The following TAF4 variants were observed in gnomAD, a reference collection of about 807,000 sequenced individuals.
The protein encoded by TAF4 is TATA-box binding protein associated factor 4.
TAF4 carries 9 observed loss-of-function variants against 90.3 expected under a neutral mutation model. That is an observed-to-expected ratio of 0.10 (90% CI 0.06 to 0.17). The LOEUF is 0.17. TAF4 is among the 10% of genes least tolerant of loss of function. The pLI, the probability that TAF4 is intolerant of heterozygous loss-of-function variation, is 1.00. For synonymous variants in TAF4, 818 were observed against 638.9 expected (o/e 1.28, Z -4.23); for missense variants, 1,351 against 1,370.7 (o/e 0.99, Z 0.23).
intron 1 of TAF4, among the ~76,000 whole-genome samples, chr20:62,051,013 G>A (rs576656638): frequency 2.6e-5 from 4 of 152,324 alleles, no homozygotes; most frequent in Admixed American, 1.3e-4. Context: ...CCTCACAGGG[G>A]AAGCATCTGA....
chr20:62,049,914 G>A (rs1170923727), intron 1 of TAF4, among the ~76,000 whole-genome samples: 2 of 152,108 alleles, frequency 1.3e-5, no homozygotes, highest in Non-Finnish European at 2.9e-5. Context: ...GATGCTTGGA[G>A]CAAAGTGACT....
At chr20:62,027,244 T>C (rs569404167) in intron 1 of TAF4, among the ~76,000 whole-genome samples, 1 of 152,224 alleles carries the variant, frequency 6.6e-6, no homozygotes, top group East Asian at 1.9e-4. Context: ...CTCGCAGCCC[T>C]GAGAGCCGAG....
At chr20:61,997,817 T>A in intron 13 of TAF4, 148 bp from the exon 14 acceptor site, 2 of 1,085,400 alleles carry the variant, frequency 1.8e-6, no homozygotes, top group Non-Finnish European at 1.3e-6. Flanking sequence ...GTAAGCATAT[T>A]CTATAATCCA....
intron 14 of TAF4, among the ~76,000 whole-genome samples, chr20:61,977,206 C>T (rs146144621): frequency 7.0e-6 from 1 of 142,326 alleles, no homozygotes; most frequent in Non-Finnish European, 1.6e-5. Flanking sequence ...GCGGGGCGCG[C>T]GCCACACACA....
chr20:61,990,041 G>A (rs2055621513), intron 14 of TAF4, among the ~76,000 whole-genome samples: 1 of 152,164 alleles, frequency 6.6e-6, no homozygotes. Flanking sequence ...ACGACGCTGT[G>A]GAGAAACACA....
At position 62,013,906 on chromosome 20, in the gene TAF4, G is replaced by GGTGTGTGT. The variant is rs56801841; in HGVS notation, c.1521+633_1521+640dup. On this transcript the variant is annotated intron_variant, in intron 2 of 14. Transcript: ENST00000252996. ...AGCTTCGGCCCTGAAGGCTGACGCG[G>GGTGTGTGT]GTGTGTGTGTGTGTGTGTGTGTGTG... Among the ~76,000 whole-genome samples the GGTGTGTGT allele has an allele frequency of 2.3e-3, 251 of 107,368 alleles. 3 individuals are homozygous for GGTGTGTGT. The highest frequency in any genetic ancestry group is 5.0e-3 in the Middle Eastern group (1 of 200). 70.4% of individuals were successfully genotyped at this position (107,368 alleles called of 152,430 possible). A position where few individuals can be genotyped will look rare whatever the true frequency, so the allele number is the denominator to read the frequency against.
chr20:62,063,831 C>T (rs1198969464), intron 1 of TAF4, among the ~76,000 whole-genome samples: 3 of 152,264 alleles, frequency 2.0e-5, no homozygotes, highest in African/African-American at 7.2e-5. Context: ...CAGGATGCGC[C>T]TGACATCTCT....
chr20:61,990,844 T>C (rs530140915), intron 14 of TAF4, among the ~76,000 whole-genome samples: 1 of 152,228 alleles, frequency 6.6e-6, no homozygotes, highest in South Asian at 2.1e-4. Context: ...CACGGGAAAG[T>C]AACCACAGAG....
chr20:62,025,641 T>TC (rs1281843541), intron 1 of TAF4, among the ~76,000 whole-genome samples: 1 of 152,212 alleles, frequency 6.6e-6, no homozygotes, highest in Non-Finnish European at 1.5e-5. Flanking sequence ...GGTACTTGCT[T>TC]CCCCTTCGCC....
intron 1 of TAF4, among the ~76,000 whole-genome samples, chr20:62,034,898 G>A (rs1321508525): frequency 6.6e-6 from 1 of 150,874 alleles, no homozygotes; most frequent in African/African-American, 2.4e-5. Flanking sequence ...TCGGCTCACT[G>A]CAAGCTCCGC....
intron 1 of TAF4, among the ~76,000 whole-genome samples, chr20:62,062,979 C>T (rs1412652893): frequency 6.6e-6 from 1 of 152,204 alleles, no homozygotes; most frequent in African/African-American, 2.4e-5. Flanking sequence ...CATCAAACAT[C>T]TTTTTACAAC....
chr20:62,044,306 A>ATTT (rs1167991451), intron 1 of TAF4, among the ~76,000 whole-genome samples: 6 of 152,268 alleles, frequency 3.9e-5, no homozygotes, highest in African/African-American at 9.6e-5. Flanking sequence ...TCAAGGTAAA[A>ATTT]ATTAGCGTAT....
intron 14 of TAF4, among the ~76,000 whole-genome samples, chr20:61,993,834 C>T (rs971684654): frequency 6.6e-6 from 1 of 152,134 alleles, no homozygotes; most frequent in South Asian, 2.1e-4. Context: ...CTCACTGCAA[C>T]CTCCGCCTCC....
At chr20:61,997,782 C>A (rs966540424) in intron 13 of TAF4, 113 bp from the exon 14 acceptor site, 2 of 1,339,868 alleles carry the variant, frequency 1.5e-6, no homozygotes, top group Non-Finnish European at 2.0e-6. Context: ...ATCATAACTT[C>A]TTTAATGTTT....
chr20:62,036,964 G>A (rs1318355408), intron 1 of TAF4, among the ~76,000 whole-genome samples: 3 of 152,210 alleles, frequency 2.0e-5, no homozygotes, highest in African/African-American at 4.8e-5. Flanking sequence ...CACACAAGAA[G>A]CTGCATGGGA....
chr20:62,018,213 C>T (rs1467563394), intron 1 of TAF4, among the ~76,000 whole-genome samples: 1 of 152,240 alleles, frequency 6.6e-6, no homozygotes, highest in Non-Finnish European at 1.5e-5. Flanking sequence ...TCACTGGGGA[C>T]TTTCTTGTCC....
At chr20:62,009,322 C>G (rs2055765119) in intron 4 of TAF4, 148 bp from the exon 5 acceptor site, 12 of 875,870 alleles carry the variant, frequency 1.4e-5, no homozygotes, top group Non-Finnish European at 1.8e-5. Flanking sequence ...CTCTTGGAAC[C>G]CTGGGCCATG....
intron 1 of TAF4, among the ~76,000 whole-genome samples, chr20:62,036,986 GC>G (rs1260008581): frequency 1.3e-5 from 2 of 152,194 alleles, no homozygotes; most frequent in Non-Finnish European, 2.9e-5. Flanking sequence ...CAGGCAGCAG[GC>G]CCTCACCAGC....
chr20:62,064,691 C>T lies in TAF4; in HGVS notation c.1120G>A (p.Val374Ile), dbSNP rs1314500813. 1 of 1,257,212 alleles carries T rather than the reference C, an allele frequency of 8.0e-7. No homozygotes were observed. The allele number at this position is 1,257,212 out of a possible 1,614,324, so 77.9% of individuals were successfully genotyped here. A position where few individuals can be genotyped will look rare whatever the true frequency, so the allele number is the denominator to read the frequency against. The change falls in exon 1 of 15, where the codon GTC becomes ATC. Residue 374 changes from valine to isoleucine, a missense_variant. Val to Ile is a conservative substitution (Grantham distance 29). Transcript: ENST00000252996. ...SGPASTAASM[V>I]IGPTMQGALP... ...GCCCCTTGCATAGTTGGCCCGATGA[C>T]CATGCTGGCCGCCGTGCTGGCCGGG... is the stretch of plus-strand genomic sequence containing the variant.
Sources: gnomAD v4.1 joint callset for allele counts (sites outside exome capture counted in the v4.1 genomes callset) on GRCh38, gnomAD v4.1.1 for gene constraint, MANE v1.5 for transcripts, NCBI Gene and HGNC (gene_info 2026-07-23, HGNC 2026-07-21) for gene names.